HIBADH: variants seen among roughly 807,000 people sequenced by gnomAD.
HIBADH encodes the protein 3-hydroxyisobutyrate dehydrogenase, also known as 3-hydroxyisobutyrate dehydrogenase, mitochondrial.
In HIBADH, 25 loss-of-function variants were observed where a neutral mutation model predicts 36.1. The ratio of observed to expected loss-of-function variants is 0.69; its 90% CI spans 0.50 to 0.97. The LOEUF (loss-of-function observed/expected upper bound fraction) is 0.97. Among genes scored for constraint, HIBADH ranks in the 50% least tolerant of loss-of-function variants. The probability of loss-of-function intolerance (pLI) is 0.00; values close to 1 mark genes in which losing one functional copy is unlikely to be tolerated. For synonymous variants in HIBADH, 160 were observed against 149.5 expected (o/e 1.07, Z -0.51); for missense variants, 421 against 418.0 (o/e 1.01, Z -0.06).
At chr7:27,564,852 A>G (rs1206841127) in intron 4 of HIBADH, among the ~76,000 whole-genome samples, 1 of 152,162 alleles carries the variant, frequency 6.6e-6, no homozygotes, top group African/African-American at 2.4e-5. Context: ...TTAGATTTAT[A>G]GCAAGTAATT....
rs1400955924 is a variant in HIBADH, at chr7:27,662,863, G to A, written c.-75C>T. 2 of 1,184,730 alleles carry A rather than the reference G, an allele frequency of 1.7e-6. No homozygotes were observed. The allele number at this position is 1,184,730 out of a possible 1,614,324, so 73.4% of individuals were successfully genotyped here. A position where few individuals can be genotyped will look rare whatever the true frequency, so the allele number is the denominator to read the frequency against. ...CCCACAGACTGCGAGCGTGTGCAGC[G>A]GGACTGGCTGGCTCGCCCACGGAGA... is the stretch of plus-strand genomic sequence containing the variant. On this transcript the variant is annotated 5_prime_UTR_variant, in exon 1 of 8. Transcript: ENST00000265395.
chr7:27,566,467 T>G (rs544971361), intron 4 of HIBADH, among the ~76,000 whole-genome samples: 1 of 152,152 alleles, frequency 6.6e-6, no homozygotes, highest in Non-Finnish European at 1.5e-5. Context: ...AATTTGTGTC[T>G]TATTTTTTGG....
At chr7:27,613,220 T>C (rs895466563) in intron 4 of HIBADH, among the ~76,000 whole-genome samples, 2 of 131,278 alleles carry the variant, frequency 1.5e-5, no homozygotes, top group Non-Finnish European at 3.2e-5. Context: ...TTTATATATT[T>C]ATCTTTCTGA....
Position 27,545,258 on chromosome 7 carries a change from C to T in HIBADH, c.485-2158G>A, listed in dbSNP as rs1020306292. Among the ~76,000 whole-genome samples, 4 of 151,966 alleles carry T rather than the reference C, an allele frequency of 2.6e-5. No homozygotes were observed. In the South Asian group the frequency reaches 8.3e-4, roughly 32 times the overall value. On this transcript the variant is annotated intron_variant, in intron 4 of 7. Coordinates refer to ENST00000265395, the MANE Select transcript of HIBADH (RefSeq NM_152740.4). ...AAGTTTGAGACCAGCCTGGGCAACACGGCGAAACCGTCTTTACAAAAAATA... is the reference window on the plus strand; with the variant it reads ...AAGTTTGAGACCAGCCTGGGCAACATGGCGAAACCGTCTTTACAAAAAATA...
At chr7:27,599,884 C>T (rs1254894319) in intron 4 of HIBADH, among the ~76,000 whole-genome samples, 3 of 149,218 alleles carry the variant, frequency 2.0e-5, no homozygotes, top group African/African-American at 4.9e-5. Context: ...TATAATCACA[C>T]AAAAAATTCA....
rs979949014 is a variant in HIBADH at position 27,625,346 on chromosome 7, T to C, written c.484+4025A>G. Among the ~76,000 whole-genome samples the C allele has an allele frequency of 9.9e-5, 15 of 152,144 alleles. No homozygotes were observed. The East Asian group carries it at 2.1e-3, about 22-fold the overall frequency. On this transcript the variant is annotated intron_variant, in intron 4 of 7. Transcript: ENST00000265395. ...GCCAGTGGCTCTAGTAACACCAGGG[T>C]TGAAACTCAGAAATACAGTGTAAAG...
intron 2 of HIBADH, among the ~76,000 whole-genome samples, chr7:27,638,318 A>AAAC (rs1443785003): frequency 3.4e-5 from 5 of 148,536 alleles, no homozygotes; most frequent in African/African-American, 1.2e-4. Flanking sequence ...CAAAAAAAAA[A>AAAC]AAAAAAAAAA....
At chr7:27,603,207 CT>C (rs1389717602) in intron 4 of HIBADH, among the ~76,000 whole-genome samples, 1 of 151,962 alleles carries the variant, frequency 6.6e-6, no homozygotes, top group African/African-American at 2.4e-5. Flanking sequence ...AATATCTCTT[CT>C]TTTTTTTATA....
intron 4 of HIBADH, among the ~76,000 whole-genome samples, chr7:27,575,418 A>T (rs138644540): frequency 4.1e-4 from 62 of 152,324 alleles, no homozygotes; most frequent in African/African-American, 1.2e-3. Flanking sequence ...AGTAGCAGAA[A>T]ATAAGAATGG....
intron 4 of HIBADH, among the ~76,000 whole-genome samples, chr7:27,573,566 A>C (rs1047246418): frequency 6.6e-6 from 1 of 152,202 alleles, no homozygotes; most frequent in African/African-American, 2.4e-5. Flanking sequence ...GAAGTATAGG[A>C]AAAAAGGAAC....
At chr7:27,560,830 T>C (rs930123853) in intron 4 of HIBADH, among the ~76,000 whole-genome samples, 1 of 152,178 alleles carries the variant, frequency 6.6e-6, no homozygotes, top group Non-Finnish European at 1.5e-5. Context: ...AGAAGTAAAA[T>C]TGCTGGATCA....
intron 4 of HIBADH, among the ~76,000 whole-genome samples, chr7:27,552,732 T>C (rs558626350): frequency 2.4e-4 from 36 of 152,340 alleles, no homozygotes; most frequent in South Asian, 6.2e-4. Context: ...AGAATACTAA[T>C]CTATGAATGC....
intron 2 of HIBADH, among the ~76,000 whole-genome samples, chr7:27,648,948 C>T (rs1411404071): frequency 7.2e-5 from 11 of 152,280 alleles, no homozygotes; most frequent in African/African-American, 2.6e-4. Context: ...TGTTCACATA[C>T]ATTCTCTCAT....
chr7:27,608,116 A>AACC (rs1206405449), intron 4 of HIBADH, among the ~76,000 whole-genome samples: 2 of 152,200 alleles, frequency 1.3e-5, no homozygotes, highest in Non-Finnish European at 2.9e-5. Flanking sequence ...CAATTATGAT[A>AACC]ACCAAAACTA....
rs537886676 is a variant in HIBADH at position 27,620,374 on chromosome 7, A to AC, written c.484+8996dup. ...AACAGCAAGACAAAAGCATCTGGTC[A>AC]CCTATAAAGGGACCCCCATAAGACT... On this transcript the variant is annotated intron_variant, in intron 4 of 7. Coordinates refer to ENST00000265395, the MANE Select transcript of HIBADH (RefSeq NM_152740.4). Among the ~76,000 whole-genome samples the AC allele has an allele frequency of 8.3e-4, 127 of 152,256 alleles. 1 individual carries two copies. The highest frequency in any genetic ancestry group is 2.8e-3 in the African/African-American group (117 of 41,560).
intron 4 of HIBADH, among the ~76,000 whole-genome samples, chr7:27,560,042 AG>A (rs1356668771): frequency 6.6e-6 from 1 of 152,228 alleles, no homozygotes; most frequent in Non-Finnish European, 1.5e-5. Flanking sequence ...TTCCACTATA[AG>A]ACATCCCTGT....
intron 4 of HIBADH, among the ~76,000 whole-genome samples, chr7:27,627,801 G>A (rs1172642408): frequency 1.3e-5 from 2 of 152,056 alleles, no homozygotes; most frequent in African/African-American, 4.8e-5. Flanking sequence ...GCAGGTTCAG[G>A]TGTATTCAGT....
At chr7:27,655,710 G>A (rs1056662711) in intron 1 of HIBADH, among the ~76,000 whole-genome samples, 2 of 150,794 alleles carry the variant, frequency 1.3e-5, no homozygotes, top group African/African-American at 2.4e-5. Flanking sequence ...TTTTAAAGTA[G>A]GCAAAAATCA....
At chr7:27,633,739 T>C (rs1785789200) in intron 2 of HIBADH, among the ~76,000 whole-genome samples, 1 of 151,900 alleles carries the variant, frequency 6.6e-6, no homozygotes, top group Admixed American at 6.6e-5. Flanking sequence ...TTCTCTTCAT[T>C]AAAAAAAGAC....
Sources: allele counts gnomAD v4.1 joint callset (sites outside exome capture counted in the v4.1 genomes callset), GRCh38; gene constraint gnomAD v4.1.1; transcripts MANE v1.5; gene names NCBI Gene and HGNC (gene_info 2026-07-23, HGNC 2026-07-21).